BRAT1: variants seen among roughly 807,000 people sequenced by gnomAD.
BRAT1 encodes integrator complex assembly factor BRAT1.
A neutral mutation model predicts 70.6 loss-of-function variants in BRAT1; 74 were observed. The observed-to-expected ratio is 1.05, with a 90% CI of 0.87 to 1.27. The LOEUF (loss-of-function observed/expected upper bound fraction) is 1.27. BRAT1 is among the 50% of genes most tolerant of loss of function. The pLI is 0.00. For missense variants in BRAT1, 1,203 were observed against 1,098.2 expected, an observed-to-expected ratio of 1.10 and a Z score of -1.35; for synonymous variants, 615 against 517.1, an observed-to-expected ratio of 1.19 and a Z score of -2.57.
chr7:2,548,455 T>A (rs911520015), intron 2 of BRAT1, among the ~76,000 whole-genome samples: 1 of 151,970 alleles, frequency 6.6e-6, no homozygotes, highest in South Asian at 2.1e-4. Flanking sequence ...CCCAGCACTT[T>A]GGGAGGCCAA....
intron 7 of BRAT1, 141 bp downstream of exon 7, chr7:2,541,979 C>G: frequency 1.7e-6 from 2 of 1,201,000 alleles, no homozygotes; most frequent in Non-Finnish European, 2.3e-6. Flanking sequence ...GCCATGTCCC[C>G]GGTCCCCTTT....
At chr7:2,550,328 C>T (rs573106512) in intron 2 of BRAT1, among the ~76,000 whole-genome samples, 3 of 150,472 alleles carry the variant, frequency 2.0e-5, no homozygotes, top group Non-Finnish European at 4.4e-5. Flanking sequence ...CTTAGCCGGG[C>T]GTGGTGGCGG....
chr7:2,538,927 A>G (rs1314524528), intron 13 of BRAT1, 163 bp from the exon 14 acceptor site: 2 of 1,456,204 alleles, frequency 1.4e-6, no homozygotes, highest in Non-Finnish European at 1.8e-6. Context: ...ACGGCCCTCC[A>G]ATCCTCAGTT....
At chr7:2,545,318 C>G (rs182675093) in intron 3 of BRAT1, among the ~76,000 whole-genome samples, 1 of 135,340 alleles carries the variant, frequency 7.4e-6, no homozygotes, top group Non-Finnish European at 1.5e-5. Flanking sequence ...GAGCCAAGAT[C>G]GCACCACTGC....
In BRAT1 at chr7:2,542,137, T is replaced by C; in HGVS notation, c.998A>G (p.Gln333Arg). 1 of 1,563,250 alleles carries C rather than the reference T, an allele frequency of 6.4e-7. No homozygotes were observed. Among genetic ancestry groups the C allele is most frequent in the Non-Finnish European group, 8.7e-7 (1 of 1,154,746 alleles). The change falls in exon 7 of 14, where the codon CAG becomes CGG. Residue 333 changes from glutamine to arginine, a missense_variant. Gln to Arg is a conservative substitution (Grantham distance 43). Transcript: ENST00000340611. ...PLACVLKATV[Q>R]APGPPGLLDG... Reference sequence around the variant, plus strand: ...CAGCACACCTGGGGGTCCGGGGGCCTGAACCGTGGCCTTCAGGACACAGGC... The same window carrying C: ...CAGCACACCTGGGGGTCCGGGGGCCCGAACCGTGGCCTTCAGGACACAGGC...
At chr7:2,553,361 GA>G (rs1780179788) in intron 2 of BRAT1, among the ~76,000 whole-genome samples, 1 of 152,120 alleles carries the variant, frequency 6.6e-6, no homozygotes, top group African/African-American at 2.4e-5. Flanking sequence ...TGAAAAATGA[GA>G]AATATAAACA....
At chr7:2,552,460 G>A (rs891622243) in intron 2 of BRAT1, among the ~76,000 whole-genome samples, 4 of 151,388 alleles carry the variant, frequency 2.6e-5, no homozygotes, top group East Asian at 1.9e-4. Flanking sequence ...TAGATATTTA[G>A]CTCAAAGAGG....
chr7:2,553,323 GC>G (rs1268851437), intron 2 of BRAT1, among the ~76,000 whole-genome samples: 3 of 152,096 alleles, frequency 2.0e-5, no homozygotes, highest in Non-Finnish European at 4.4e-5. Context: ...GAGTCACCGC[GC>G]CTGACCTATG....
chr7:2,554,984 T>G (rs1780310517), intron 1 of BRAT1, among the ~76,000 whole-genome samples: 1 of 145,534 alleles, frequency 6.9e-6, no homozygotes, highest in African/African-American at 2.6e-5. Context: ...TCAGGGTCAG[T>G]GGTGGCTGCA....
intron 13 of BRAT1, 175 bp downstream of exon 13, chr7:2,539,004 C>T (rs1013312261): frequency 5.7e-5 from 82 of 1,434,122 alleles, no homozygotes; most frequent in Middle Eastern, 5.1e-4. Context: ...GAAGGCGAAG[C>T]GCACAGGTCC....
chr7:2,539,145 G>C (rs376098769), intron 13 of BRAT1, 34 bp downstream of exon 13: 2 of 1,571,486 alleles, frequency 1.3e-6, no homozygotes, highest in South Asian at 1.1e-5. Flanking sequence ...TGGCCAGGCG[G>C]GAGTTGCTGG....
chr7:2,554,270 T>C, intron 2 of BRAT1, 35 bp downstream of exon 2: 1 of 1,609,262 alleles, frequency 6.2e-7, no homozygotes, highest in Non-Finnish European at 8.5e-7. Flanking sequence ...GTCTGGTCTC[T>C]GGATAGGCAG....
chr7:2,541,857 A>C, intron 7 of BRAT1, 21 bp from the exon 8 acceptor site: 2 of 1,608,712 alleles, frequency 1.2e-6, no homozygotes, highest in Non-Finnish European at 1.7e-6. Flanking sequence ...AGCCAGGAAG[A>C]GCTCCCTTAG....
chr7:2,541,234 G>C, intron 9 of BRAT1, 64 bp downstream of exon 9: 1 of 1,508,940 alleles, frequency 6.6e-7, no homozygotes, highest in African/African-American at 1.4e-5. Context: ...GGGTGCCTCC[G>C]AGCAGAAAGG....
intron 3 of BRAT1, 145 bp from the exon 4 acceptor site, chr7:2,545,201 T>C (rs565730443): frequency 1.1e-6 from 1 of 934,968 alleles, no homozygotes; most frequent in South Asian, 2.0e-5. Context: ...CCATCTCTAC[T>C]AGAAATACAA....
rs777011327 is a variant in BRAT1 at position 2,543,976 on chromosome 7, G to T, written c.431-14C>A. ...TGTCGACCGCACCTGGGTAGGGGAT[G>T]GGGGAAGAGAGGGAAAAGGGGGTGA... On this transcript the variant is annotated splice_polypyrimidine_tract_variant and intron_variant, in intron 4 of 13. Transcript: ENST00000340611. The surrounding 1 kb of genome is among the most constrained non-coding windows in gnomAD (Gnocchi z 5.5). 1.3e-6 allele frequency: 2 copies of T among 1,541,536 alleles called. No individual in the cohort carries two copies. The highest frequency in any genetic ancestry group is 4.7e-5 in the East Asian group (2 of 42,760).
At chr7:2,554,047 C>T (rs1780230312) in intron 2 of BRAT1, among the ~76,000 whole-genome samples, 4 of 152,196 alleles carry the variant, frequency 2.6e-5, no homozygotes, top group African/African-American at 9.6e-5. Flanking sequence ...TTCTGTAGAA[C>T]TGAACCTTGG....
intron 11 of BRAT1, 69 bp downstream of exon 11, chr7:2,539,717 C>A (rs1358144578): frequency 1.3e-6 from 2 of 1,551,576 alleles, no homozygotes; most frequent in African/African-American, 1.4e-5. Context: ...CTGAGCCATT[C>A]CACCCAGCCC....
At chr7:2,550,810 T>C (rs1779951303) in intron 2 of BRAT1, among the ~76,000 whole-genome samples, 1 of 152,186 alleles carries the variant, frequency 6.6e-6, no homozygotes, top group African/African-American at 2.4e-5. Context: ...CAGAGCCCTG[T>C]AAATTTACTA....
Sources: gnomAD v4.1 joint callset for allele counts (sites outside exome capture counted in the v4.1 genomes callset) on GRCh38, gnomAD v4.1.1 for gene constraint, Gnocchi (gnomAD v3.1) non-coding constraint, MANE v1.5 for transcripts, NCBI Gene and HGNC (gene_info 2026-07-23, HGNC 2026-07-21) for gene names.